The following RBM47 variants were observed in gnomAD, a reference collection of about 807,000 sequenced individuals.
RBM47 encodes the protein RNA binding motif protein 47.
Under a neutral mutation model 47.1 loss-of-function variants are expected in RBM47, and 21 were observed. The observed-to-expected ratio is 0.45, with a 90% CI of 0.32 to 0.64. The LOEUF is 0.64. Among genes scored for constraint, RBM47 ranks in the 30% least tolerant of loss-of-function variants. The probability of loss-of-function intolerance (pLI) is 0.05; values close to 1 mark genes in which losing one functional copy is unlikely to be tolerated. For missense variants in RBM47, 708 were observed against 870.9 expected (o/e 0.81, Z 2.35); for synonymous variants, 375 against 361.7 (o/e 1.04, Z -0.42).
chr4:40,564,094 G>A (rs1379906486), intron 1 of RBM47, among the ~76,000 whole-genome samples: 4 of 152,206 alleles, frequency 2.6e-5, no homozygotes, highest in South Asian at 2.1e-4. Context: ...AATACAAGGT[G>A]TAGAGGTCAC....
At chr4:40,436,171 CAAAAA>C (rs68002544) in intron 5 of RBM47, among the ~76,000 whole-genome samples, 1,406 of 130,216 alleles carry the variant, frequency 0.011, 26 homozygotes, top group East Asian at 0.053. Context: ...GACTCTGTCT[CAAAAA>C]AAAAAAAAAA....
At chr4:40,489,285 C>T (rs1721543561) in intron 2 of RBM47, among the ~76,000 whole-genome samples, 1 of 151,752 alleles carries the variant, frequency 6.6e-6, no homozygotes, top group South Asian at 2.1e-4. Context: ...AAAAGAAGGG[C>T]AAAATAAATC....
At chr4:40,437,112 A>AT (rs1712675605) in intron 4 of RBM47, among the ~76,000 whole-genome samples, 1 of 71,616 alleles carries the variant, frequency 1.4e-5, no homozygotes, top group African/African-American at 9.2e-5. Flanking sequence ...TATATATATA[A>AT]AATACATATA....
At chr4:40,553,584 A>AC (rs1289918382) in intron 1 of RBM47, among the ~76,000 whole-genome samples, 1 of 152,204 alleles carries the variant, frequency 6.6e-6, no homozygotes, top group Non-Finnish European at 1.5e-5. Context: ...GGTGTGAGCC[A>AC]CTACGCCCAG....
At chr4:40,569,910 C>T (rs929250004) in intron 1 of RBM47, among the ~76,000 whole-genome samples, 1 of 149,760 alleles carries the variant, frequency 6.7e-6, no homozygotes, top group Non-Finnish European at 1.5e-5. Context: ...TAGGGTTTCA[C>T]CATGTTGGCC....
intron 1 of RBM47, among the ~76,000 whole-genome samples, chr4:40,617,310 A>G (rs1736840703): frequency 1.3e-5 from 2 of 152,074 alleles, no homozygotes; most frequent in Admixed American, 1.3e-4. Context: ...TGTAATCCCA[A>G]CACTTTAGAA....
intron 1 of RBM47, among the ~76,000 whole-genome samples, chr4:40,557,225 A>G (rs1267287756): frequency 6.6e-6 from 1 of 152,094 alleles, no homozygotes. Context: ...GCCTTCCCCA[A>G]TGCCCAAAGT....
chr4:40,513,823 A>T (rs1725242250), intron 2 of RBM47, among the ~76,000 whole-genome samples: 1 of 151,632 alleles, frequency 6.6e-6, no homozygotes, highest in Non-Finnish European at 1.5e-5. Flanking sequence ...GGTTCAAGCG[A>T]TTCTCCTGCC....
chr4:40,604,398 GAGGA>G (rs1228516863), intron 1 of RBM47, among the ~76,000 whole-genome samples: 2 of 152,198 alleles, frequency 1.3e-5, no homozygotes, highest in African/African-American at 4.8e-5. Context: ...GCTAAGGCAG[GAGGA>G]TCCCTTGAAG....
chr4:40,573,807 AAAAG>A (rs1553903538), intron 1 of RBM47, among the ~76,000 whole-genome samples: 3,432 of 136,724 alleles, frequency 0.025, 57 homozygotes, highest in African/African-American at 0.036. Flanking sequence ...GAAAGAAAGA[AAAAG>A]AAAGAAAGAA....
chr4:40,590,612 C>T (rs12499840), intron 1 of RBM47, among the ~76,000 whole-genome samples: 35,401 of 152,108 alleles, frequency 0.23, 4,994 homozygotes, highest in Admixed American at 0.3. Context: ...TCTTAAAAAG[C>T]AACAGCCCAA....
At chr4:40,612,127 A>C (rs1021093268) in intron 1 of RBM47, among the ~76,000 whole-genome samples, 7 of 152,228 alleles carry the variant, frequency 4.6e-5, no homozygotes, top group African/African-American at 1.7e-4. Context: ...TACTGCTTTA[A>C]CAAGAAGTCC....
At chr4:40,611,208 G>C (rs1441164672) in intron 1 of RBM47, among the ~76,000 whole-genome samples, 1 of 152,042 alleles carries the variant, frequency 6.6e-6, no homozygotes, top group Non-Finnish European at 1.5e-5. Flanking sequence ...CAAAATAAAT[G>C]GTTTTCAATG....
chr4:40,530,797 C>T (rs1181704843), intron 2 of RBM47, among the ~76,000 whole-genome samples: 1 of 152,180 alleles, frequency 6.6e-6, no homozygotes, highest in Non-Finnish European at 1.5e-5. Flanking sequence ...CATGGGCAGG[C>T]TTTCAGAATT....
At chr4:40,436,755 T>C (rs1343640522) in intron 4 of RBM47, 108 bp from the exon 5 acceptor site, 1 of 1,036,880 alleles carries the variant, frequency 9.6e-7, no homozygotes, top group Non-Finnish European at 1.5e-6. Flanking sequence ...TAATTGCAGG[T>C]GGCTACACCT....
chr4:40,496,660 CG>C (rs1276719363), intron 2 of RBM47, among the ~76,000 whole-genome samples: 1 of 152,136 alleles, frequency 6.6e-6, no homozygotes, highest in Admixed American at 6.6e-5. Context: ...TGTGTCAGGC[CG>C]TACTAAGCAC....
chr4:40,529,800 G>A (rs1727185192), intron 2 of RBM47, among the ~76,000 whole-genome samples: 1 of 149,420 alleles, frequency 6.7e-6, no homozygotes, highest in South Asian at 2.1e-4. Flanking sequence ...CTGCACTCCA[G>A]CCTGGGCAAC....
intron 1 of RBM47, among the ~76,000 whole-genome samples, chr4:40,594,735 C>T (rs1734599392): frequency 6.6e-6 from 1 of 152,184 alleles, no homozygotes; most frequent in Non-Finnish European, 1.5e-5. Context: ...TTTCTCCCGG[C>T]CACCTCCTTC....
intron 1 of RBM47, among the ~76,000 whole-genome samples, chr4:40,584,770 TTAAAA>T (rs1432628041): frequency 3.3e-5 from 5 of 152,310 alleles, no homozygotes; most frequent in South Asian, 2.1e-4. Flanking sequence ...TTCAAATTAA[TTAAAA>T]TAAAAGATTC....
Sources: gnomAD v4.1 joint callset for allele counts (sites outside exome capture counted in the v4.1 genomes callset) on GRCh38, gnomAD v4.1.1 for gene constraint, MANE v1.5 for transcripts, NCBI Gene and HGNC (gene_info 2026-07-23, HGNC 2026-07-21) for gene names.